CCR3: variants seen among roughly 807,000 people sequenced by gnomAD.
CCR3 encodes the protein C-C chemokine receptor type 3.
For missense variants in CCR3, 419 were observed against 437.5 expected (o/e 0.96, Z 0.38); for synonymous variants, 203 against 179.2 (o/e 1.13, Z -1.06).
At chr3:46,242,058 A>G (rs1289702870), upstream of CCR3, among the ~76,000 whole-genome samples, 1 of 151,736 alleles carries the variant, frequency 6.6e-6, no homozygotes, top group African/African-American at 2.4e-5. Flanking sequence ...CCTTGAACCC[A>G]GGAGGTGGAG....
intron 2 of CCR3, among the ~76,000 whole-genome samples, chr3:46,230,112 G>A (rs181869750): frequency 6.6e-6 from 1 of 152,176 alleles, no homozygotes. Context: ...GCAGCTGGAA[G>A]CAAAAAACAT....
At chr3:46,259,962 T>C (rs1294354648) in intron 1 of CCR3, among the ~76,000 whole-genome samples, 2 of 152,188 alleles carry the variant, frequency 1.3e-5, no homozygotes, top group Non-Finnish European at 2.9e-5. Context: ...GAAAGAGTTT[T>C]ATTGGACTTC....
intron 1 of CCR3, chr3:46,264,473 CAA>C: frequency 6.7e-7 from 1 of 1,498,512 alleles, no homozygotes; most frequent in African/African-American, 1.4e-5. Flanking sequence ...GCAAATTTTT[CAA>C]AAGTTAAATT....
At chr3:46,211,399 T>TATATA (rs1559522130) in intron 2 of CCR3, among the ~76,000 whole-genome samples, 2,110 of 126,344 alleles carry the variant, frequency 0.017, 52 homozygotes, top group African/African-American at 0.055. Context: ...ATATATATAT[T>TATATA]TTTTGTAGAA....
intron 1 of CCR3, among the ~76,000 whole-genome samples, chr3:46,261,021 T>G (rs966838367): frequency 6.6e-6 from 1 of 152,214 alleles, no homozygotes; most frequent in African/African-American, 2.4e-5. Context: ...CTACTTTCTA[T>G]GTTCATTTAA....
chr3:46,227,080 A>G (rs1699908732), intron 2 of CCR3, among the ~76,000 whole-genome samples: 1 of 151,574 alleles, frequency 6.6e-6, no homozygotes, highest in Non-Finnish European at 1.5e-5. Context: ...GGGTTTTGCC[A>G]TGTTGACCAG....
chr3:46,244,208 T>G (rs749869709), intron 1 of CCR3, among the ~76,000 whole-genome samples: 1 of 152,210 alleles, frequency 6.6e-6, no homozygotes, highest in African/African-American at 2.4e-5. Context: ...AATAACTTAA[T>G]CACACAACAA....
chr3:46,238,206 G>A (rs1700042192), upstream of CCR3, among the ~76,000 whole-genome samples: 1 of 151,960 alleles, frequency 6.6e-6, no homozygotes, highest in African/African-American at 2.4e-5. Context: ...AGCTCTGTAT[G>A]AGAGTTTTAG....
chr3:46,218,663 G>A (rs1359076227), intron 2 of CCR3, among the ~76,000 whole-genome samples: 1 of 152,078 alleles, frequency 6.6e-6, no homozygotes, highest in Non-Finnish European at 1.5e-5. Flanking sequence ...GGGAGGCAGG[G>A]CTGATTTAAC....
At chr3:46,216,504 AT>A (rs1699776443) in intron 2 of CCR3, among the ~76,000 whole-genome samples, 2 of 152,240 alleles carry the variant, frequency 1.3e-5, no homozygotes, top group Admixed American at 1.3e-4. Context: ...CACCTGGAAA[AT>A]TCATCACAAA....
chr3:46,238,687 A>C (rs1700046336), upstream of CCR3, among the ~76,000 whole-genome samples: 1 of 152,198 alleles, frequency 6.6e-6, no homozygotes, highest in Admixed American at 6.5e-5. Flanking sequence ...ACAACACAAA[A>C]CTTGCCAAGT....
At chr3:46,253,822 A>G (rs1284872295) in intron 1 of CCR3, among the ~76,000 whole-genome samples, 2 of 152,156 alleles carry the variant, frequency 1.3e-5, no homozygotes, top group Admixed American at 1.3e-4. Context: ...GTTAATAGAA[A>G]ACTGTTTAAA....
intron 2 of CCR3, among the ~76,000 whole-genome samples, chr3:46,223,620 G>GTGTGTGCATGTATGTATGTGTGAC (rs1277735229): frequency 1.3e-5 from 2 of 152,128 alleles, no homozygotes; most frequent in African/African-American, 2.4e-5. Context: ...ATGCAGGTGT[G>GTGTGTGCATGTATGTATGTGTGAC]TGTGTGCATG....
At chr3:46,244,925 T>C (rs1396473307) in intron 1 of CCR3, among the ~76,000 whole-genome samples, 2 of 152,192 alleles carry the variant, frequency 1.3e-5, no homozygotes, top group African/African-American at 2.4e-5. Context: ...ATTCTGGTCA[T>C]GGTGACTATC....
intron 2 of CCR3, among the ~76,000 whole-genome samples, chr3:46,217,156 G>A (rs1329455529): frequency 6.6e-6 from 1 of 152,156 alleles, no homozygotes; most frequent in Non-Finnish European, 1.5e-5. Flanking sequence ...GCAAGCAATA[G>A]TAGCTATTCT....
intron 1 of CCR3, among the ~76,000 whole-genome samples, chr3:46,256,509 G>T (rs1700427605): frequency 6.6e-6 from 1 of 151,960 alleles, no homozygotes; most frequent in African/African-American, 2.4e-5. Context: ...ATTCCTATAG[G>T]TGGATTTATT....
intron 2 of CCR3, among the ~76,000 whole-genome samples, chr3:46,236,516 C>T (rs964001082): frequency 3.9e-5 from 6 of 152,228 alleles, no homozygotes; most frequent in Admixed American, 1.3e-4. Context: ...CCCTGGGCTG[C>T]GTCAAACTGC....
At chr3:46,222,294 A>G (rs938929886) in intron 2 of CCR3, among the ~76,000 whole-genome samples, 2 of 152,158 alleles carry the variant, frequency 1.3e-5, no homozygotes, top group Admixed American at 6.5e-5. Flanking sequence ...ATGGGGATAG[A>G]TGAACTTCTA....
chr3:46,247,017 G>C (rs1700208332), intron 1 of CCR3, among the ~76,000 whole-genome samples: 1 of 152,104 alleles, frequency 6.6e-6, no homozygotes, highest in African/African-American at 2.4e-5. Flanking sequence ...AATGGAATAA[G>C]AGAAGGAGAA....
Sources: allele counts gnomAD v4.1 joint callset (sites outside exome capture counted in the v4.1 genomes callset), GRCh38; gene constraint gnomAD v4.1.1; transcripts MANE v1.5; gene names NCBI Gene and HGNC (gene_info 2026-07-23, HGNC 2026-07-21).